The following COA1 variants were observed in gnomAD, a reference collection of about 807,000 sequenced individuals.
The protein encoded by COA1 is cytochrome c oxidase assembly factor 1 homolog.
COA1 carries 13 observed loss-of-function variants against 16.0 expected under a neutral mutation model. The ratio of observed to expected loss-of-function variants is 0.81; its 90% CI spans 0.53 to 1.29. The LOEUF is 1.29. Among genes scored for constraint, COA1 ranks in the 50% most tolerant of loss-of-function variants. The probability of loss-of-function intolerance (pLI) is 0.00; values close to 1 mark genes in which losing one functional copy is unlikely to be tolerated. For missense variants in COA1, 179 were observed against 177.0 expected, an observed-to-expected ratio of 1.01 and a Z score of -0.06; for synonymous variants, 65 against 65.7, an observed-to-expected ratio of 0.99 and a Z score of 0.05.
At chr7:43,679,408 C>G (rs1357641283) in intron 1 of COA1, among the ~76,000 whole-genome samples, 4 of 150,946 alleles carry the variant, frequency 2.6e-5, no homozygotes, top group Non-Finnish European at 5.9e-5. Context: ...TCATGGGAAA[C>G]TAGAACCTAT....
chr7:43,683,537 G>A (rs1277527788), intron 1 of COA1, among the ~76,000 whole-genome samples: 1 of 152,102 alleles, frequency 6.6e-6, no homozygotes, highest in Admixed American at 6.5e-5. Context: ...GGGAGTCTGA[G>A]GCAGGAGAAT....
At chr7:43,687,146 A>G (rs1237945950) in intron 1 of COA1, among the ~76,000 whole-genome samples, 1 of 152,242 alleles carries the variant, frequency 6.6e-6, no homozygotes, top group Non-Finnish European at 1.5e-5. Flanking sequence ...CCCAGGATGC[A>G]TTAAATCAGC....
chr7:43,714,458 T>C (rs935742776), intron 1 of COA1, among the ~76,000 whole-genome samples: 4 of 151,530 alleles, frequency 2.6e-5, no homozygotes, highest in South Asian at 4.2e-4. Context: ...TGAAACCCCA[T>C]CTCTACTAAG....
chr7:43,695,406 T>C (rs1284944655), intron 1 of COA1, among the ~76,000 whole-genome samples: 1 of 152,092 alleles, frequency 6.6e-6, no homozygotes, highest in Non-Finnish European at 1.5e-5. Context: ...TTTGGTATTC[T>C]CTCTGCCAGG....
In COA1 at chr7:43,655,703, A is replaced by T. The variant is rs190555942; in HGVS notation, c.-38-7051T>A. 6.0e-4 allele frequency among the ~76,000 whole-genome samples: 92 copies of T among 152,306 alleles called. 1 individual carries two copies. In the East Asian group the frequency reaches 8.9e-3, roughly 15 times the overall value. ...ATTAACATATAAAATGTAGGTAAAG[A>T]CAGCCCCAGTGAACCACACCACCTG... On this transcript the variant is annotated intron_variant, in intron 1 of 5. Transcript: ENST00000223336.
At chr7:43,635,822 C>T (rs2085774943), downstream of COA1, among the ~76,000 whole-genome samples, 1 of 152,124 alleles carries the variant, frequency 6.6e-6, no homozygotes, top group Non-Finnish European at 1.5e-5. Flanking sequence ...ATTACTTTGT[C>T]ATTAAGACTG....
chr7:43,670,839 A>T (rs1277038026), intron 1 of COA1, among the ~76,000 whole-genome samples: 1 of 152,180 alleles, frequency 6.6e-6, no homozygotes, highest in Non-Finnish European at 1.5e-5. Flanking sequence ...TACTGCCATA[A>T]CTCTGCAAGC....
intron 6 of COA1, chr7:43,624,369 A>G: frequency 1.3e-6 from 1 of 763,762 alleles, no homozygotes; most frequent in Non-Finnish European, 2.0e-6. Flanking sequence ...CCCAAATTCC[A>G]AGACTAATAG....
chr7:43,631,532 TGA>T (rs1001090538), intron 6 of COA1: 7 of 152,396 alleles, frequency 4.6e-5, no homozygotes, highest in African/African-American at 1.7e-4. Context: ...AGCCACAAGT[TGA>T]TAGTTCTTCT....
chr7:43,688,952 C>T (rs2094156366), intron 1 of COA1, among the ~76,000 whole-genome samples: 1 of 152,038 alleles, frequency 6.6e-6, no homozygotes, highest in Non-Finnish European at 1.5e-5. Context: ...CAACAATGTG[C>T]CCAGCTACAA....
At chr7:43,638,042 T>TAAA (rs145411412), downstream of COA1, among the ~76,000 whole-genome samples, 577 of 152,294 alleles carry the variant, frequency 3.8e-3, 7 homozygotes, top group African/African-American at 0.013. Context: ...CCATTTATTT[T>TAAA]AAAAGACTGT....
intron 6 of COA1, chr7:43,631,464 G>C (rs1225139048): frequency 1.3e-5 from 2 of 152,318 alleles, no homozygotes; most frequent in Non-Finnish European, 2.9e-5. Context: ...GACTTCAAGT[G>C]ATCTGCCCAC....
chr7:43,720,324 T>G (rs567531432), intron 1 of COA1, among the ~76,000 whole-genome samples: 1 of 152,110 alleles, frequency 6.6e-6, no homozygotes, highest in Non-Finnish European at 1.5e-5. Flanking sequence ...TAATTTTGTG[T>G]TTTTATTGTG....
At chr7:43,624,029 A>G (rs1199445816) in intron 6 of COA1, 3 of 575,524 alleles carry the variant, frequency 5.2e-6, no homozygotes, top group Non-Finnish European at 8.0e-6. Context: ...AAACACAAAA[A>G]TGTTGACATA....
intron 6 of COA1, chr7:43,624,942 C>G: frequency 3.7e-6 from 4 of 1,085,116 alleles, no homozygotes; most frequent in Non-Finnish European, 5.2e-6. Context: ...AGTGGATAAC[C>G]AGTATCACTT....
At chr7:43,682,769 T>A (rs1054508284) in intron 1 of COA1, among the ~76,000 whole-genome samples, 1 of 152,184 alleles carries the variant, frequency 6.6e-6, no homozygotes, top group Non-Finnish European at 1.5e-5. Flanking sequence ...TAGGTAGCTA[T>A]AAACAGGCAA....
At position 43,639,605 on chromosome 7, in the gene COA1, C is replaced by A. The variant is rs763387725; in HGVS notation, c.418G>T (p.Gly140Cys). The stretch of plus-strand genomic sequence containing the variant: ...CTCTACTCCTTTTTCACTTCATCAC[C>A]GTTTTCCCCACTGAGCTTGAACACA... ...IPVFKLSGEN[G>C]DEVKKE The change falls in exon 6 of 6, where the codon GGT becomes TGT. Residue 140 changes from glycine to cysteine, a missense_variant. Transcript: ENST00000223336. 3.1e-6 allele frequency: 5 copies of A among 1,613,740 alleles called. No homozygotes were observed. The African/African-American group carries it at 6.7e-5, about 22-fold the overall frequency.
Position 43,691,317 on chromosome 7 carries a change from GAAAGAAAGAA to G in COA1, c.-39+38102_-39+38111del, listed in dbSNP as rs1563382273. Reference sequence around the variant, plus strand: ...AGAAAGAAAGAAAGAAAGAAAGAAAGAAAGAAAGAAAGAGAAAGAGAGAGAGGGAGGGAGG... The same window carrying G: ...AGAAAGAAAGAAAGAAAGAAAGAAAGAGAGAAAGAGAGAGAGGGAGGGAGG... On this transcript the variant is annotated intron_variant, in intron 1 of 5. Transcript: ENST00000223336. Among the ~76,000 whole-genome samples, 64 of 102,082 alleles carry G rather than the reference GAAAGAAAGAA, an allele frequency of 6.3e-4. 1 individual carries two copies. Among genetic ancestry groups the G allele is most frequent in the Middle Eastern group, 4.6e-3 (1 of 216 alleles). The allele number at this position is 102,082 out of a possible 152,430, so 67.0% of individuals were successfully genotyped here.
intron 1 of COA1, among the ~76,000 whole-genome samples, chr7:43,693,941 G>T (rs1259209177): frequency 6.6e-6 from 1 of 151,804 alleles, no homozygotes; most frequent in Non-Finnish European, 1.5e-5. Flanking sequence ...GGTTGACTAG[G>T]TCACAACTTT....
Sources: allele counts gnomAD v4.1 joint callset (sites outside exome capture counted in the v4.1 genomes callset), GRCh38; gene constraint gnomAD v4.1.1; transcripts MANE v1.5; gene names NCBI Gene and HGNC (gene_info 2026-07-23, HGNC 2026-07-21).